MS4A6A: variants seen among roughly 807,000 people sequenced by gnomAD.
MS4A6A encodes membrane spanning 4-domains A6A, also known as membrane-spanning 4-domains subfamily A member 6A.
MS4A6A carries 19 observed loss-of-function variants against 20.6 expected under a neutral mutation model. That is an observed-to-expected ratio of 0.92 (90% CI 0.64 to 1.36). MS4A6A has a LOEUF of 1.36. MS4A6A is among the 40% of genes most tolerant of loss of function. The pLI, the probability that MS4A6A is intolerant of heterozygous loss-of-function variation, is 0.00. For synonymous variants in MS4A6A, 108 were observed against 105.0 expected (o/e 1.03, Z -0.17); for missense variants, 272 against 261.1 (o/e 1.04, Z -0.29).
In MS4A6A at chr11:60,182,978, C is replaced by T. The variant is rs1394587711; in HGVS notation, c.-15G>A. On this transcript the variant is annotated splice_region_variant and 5_prime_UTR_variant, in exon 1 of 6. Coordinates refer to ENST00000528851, the MANE Select transcript of MS4A6A (RefSeq NM_022349.4). ...AGAAAAGTCTTCCAGCATTACCTACCTGTGCCCGTTGGTTCCAGCTGAGTC... is the reference window on the plus strand; with the variant it reads ...AGAAAAGTCTTCCAGCATTACCTACTTGTGCCCGTTGGTTCCAGCTGAGTC... 2.9e-6 allele frequency: 4 copies of T among 1,375,952 alleles called. No homozygotes were observed. Among genetic ancestry groups the T allele is most frequent in the Non-Finnish European group, 3.7e-6 (4 of 1,070,196 alleles). The allele number at this position is 1,375,952 out of a possible 1,614,324, so 85.2% of individuals were successfully genotyped here. A position where few individuals can be genotyped will look rare whatever the true frequency, so the allele number is the denominator to read the frequency against.
At position 60,172,664 on chromosome 11, in the gene MS4A6A, T is replaced by G. The variant is rs1856639961; in HGVS notation, c.*337A>C. 4.3e-6 allele frequency: 5 copies of G among 1,159,110 alleles called. No homozygotes were observed. The highest frequency in any genetic ancestry group is 4.3e-6 in the Non-Finnish European group (4 of 932,472). 71.8% of individuals were successfully genotyped at this position (1,159,110 alleles called of 1,614,324 possible). On this transcript the variant is annotated 3_prime_UTR_variant, in exon 6 of 6. Coordinates refer to ENST00000528851, the MANE Select transcript of MS4A6A (RefSeq NM_022349.4). Reference sequence around the variant, plus strand: ...AGACTAGTGGTTGTGGCAGAAATTGTTTCTGCTTATAAGGGAGGCAAGCCA... The same window carrying G: ...AGACTAGTGGTTGTGGCAGAAATTGGTTCTGCTTATAAGGGAGGCAAGCCA...
chr11:60,176,961 AC>A (rs1238372801), intron 4 of MS4A6A: 2 of 152,102 alleles, frequency 1.3e-5, no homozygotes, highest in Admixed American at 1.3e-4. Context: ...TGAAAGCACT[AC>A]CCTTGTGCCA....
chr11:60,179,802 A>G (rs1248642173), intron 3 of MS4A6A, 29 bp downstream of exon 3: 1 of 1,613,862 alleles, frequency 6.2e-7, no homozygotes, highest in East Asian at 2.2e-5. Flanking sequence ...TCTTTGCCCC[A>G]TCCTGCCCTC....
At position 60,173,017 on chromosome 11, in the gene MS4A6A, A is replaced by T; in HGVS notation, c.662T>A (p.Leu221Gln). Residue 221 changes from leucine to glutamine, a missense_variant, in exon 6 of 6, where the codon CTG (leucine) becomes CAG (glutamine). Transcript: ENST00000528851. ...TAGGCAAGGTTAAGTGAAGCCGGCC[A>T]GCACACTCACCCCAGGGAAGTCAGA... ...AYSDFPGVSV[L>Q]AGFT 1 of 1,614,116 alleles carries T rather than the reference A, an allele frequency of 6.2e-7. No homozygotes were observed. The highest frequency in any genetic ancestry group is 8.5e-7 in the Non-Finnish European group (1 of 1,179,962).
intron 2 of MS4A6A, 123 bp from the exon 3 acceptor site, chr11:60,180,088 C>T (rs969548379): frequency 1.0e-6 from 1 of 955,480 alleles, no homozygotes. Flanking sequence ...GGATACAAAC[C>T]CTGTGGAAAC....
At chr11:60,176,638 A>G (rs638872) in intron 4 of MS4A6A, among the ~76,000 whole-genome samples, 145,279 of 152,226 alleles carry the variant, frequency 0.95, 69,422 homozygotes, top group Non-Finnish European at 0.98. Flanking sequence ...ACCAGTTGAT[A>G]CTCTGGGACC....
chr11:60,172,849 T>A lies in MS4A6A; in HGVS notation c.*152A>T. On this transcript the variant is annotated 3_prime_UTR_variant, in exon 6 of 6. Transcript: ENST00000528851. The stretch of plus-strand genomic sequence containing the variant: ...TCATATCCAGTGAATTTTCAGCTTA[T>A]CAGCTACTCAATTGCCATCTGCTTT... 6.9e-7 allele frequency: 1 copy of A among 1,445,580 alleles called. No individual in the cohort carries two copies. The highest frequency in any genetic ancestry group is 2.6e-5 in the Admixed American group (1 of 38,434). 89.5% of individuals were successfully genotyped at this position (1,445,580 alleles called of 1,614,324 possible). A position where few individuals can be genotyped will look rare whatever the true frequency, so the allele number is the denominator to read the frequency against.
intron 4 of MS4A6A, chr11:60,177,193 GTTAAA>G (rs1232639672): frequency 1.3e-5 from 2 of 152,170 alleles, no homozygotes; most frequent in African/African-American, 4.8e-5. Flanking sequence ...CTCAAAGAAA[GTTAAA>G]TTAAACAGCA....
rs1031781522 is a variant in MS4A6A at position 60,177,864 on chromosome 11, G to A, written c.339+396C>T. 2.8e-5 allele frequency: 6 copies of A among 213,774 alleles called. No individual in the cohort carries two copies. The Admixed American group carries it at 2.9e-4, about 10-fold the overall frequency. 13.2% of individuals were successfully genotyped at this position (213,774 alleles called of 1,614,324 possible). ...ACACTTTGACTCATTTTTTTTTCAAGGGTTGTAACACCTGGGCTTAAAGAA... is the reference window on the plus strand; with the variant it reads ...ACACTTTGACTCATTTTTTTTTCAAAGGTTGTAACACCTGGGCTTAAAGAA... On this transcript the variant is annotated intron_variant, in intron 4 of 5. Transcript: ENST00000528851.
chr11:60,180,844 C>T (rs1857099778), intron 2 of MS4A6A: 2 of 324,170 alleles, frequency 6.2e-6, no homozygotes, highest in Non-Finnish European at 1.2e-5. Context: ...ATTCACAGCT[C>T]TATTATCATT....
chr11:60,179,211 T>C (rs1342451546), intron 3 of MS4A6A, among the ~76,000 whole-genome samples: 2 of 152,072 alleles, frequency 1.3e-5, no homozygotes, highest in African/African-American at 4.8e-5. Context: ...AAAGGGAAAC[T>C]TACCTATGAG....
upstream of MS4A6A, chr11:60,183,337 A>T: frequency 1.6e-6 from 1 of 642,030 alleles, no homozygotes. Flanking sequence ...CTAATCTGTT[A>T]AATAGAGGAG....
At chr11:60,181,120 C>G (rs1313548654) in intron 2 of MS4A6A, 1 of 446,350 alleles carries the variant, frequency 2.2e-6, no homozygotes, top group Non-Finnish European at 4.5e-6. Context: ...AACAGACAAA[C>G]AAAAGGTGAA....
rs754812930 is a variant in MS4A6A at position 60,173,149 on chromosome 11, A to T, written c.550-20T>A. The stretch of plus-strand genomic sequence containing the variant: ...AGTTCCCTGAAAGTCAAGAAATAAA[A>T]GATTGATGTTGCTTAGGTCAGCTGA... On this transcript the variant is annotated intron_variant, in intron 5 of 5. Transcript: ENST00000528851. The T allele has an allele frequency of 1.9e-6, 3 of 1,609,822 alleles. No homozygotes were observed. The highest frequency in any genetic ancestry group is 2.5e-6 in the Non-Finnish European group (3 of 1,176,694).
At position 60,172,719 on chromosome 11, in the gene MS4A6A, C is replaced by A; in HGVS notation, c.*282G>T. The A allele has an allele frequency of 3.2e-6, 4 of 1,231,094 alleles. No individual in the cohort carries two copies. The highest frequency in any genetic ancestry group is 4.1e-6 in the Non-Finnish European group (4 of 971,614). The allele number at this position is 1,231,094 out of a possible 1,614,324, so 76.3% of individuals were successfully genotyped here. A position where few individuals can be genotyped will look rare whatever the true frequency, so the allele number is the denominator to read the frequency against. ...CTAGTGTCCTCAGCAAAGGCACAAACTCATAGCATAATGCCAGGCCAGTCA... is the reference window on the plus strand; with the variant it reads ...CTAGTGTCCTCAGCAAAGGCACAAAATCATAGCATAATGCCAGGCCAGTCA... On this transcript the variant is annotated 3_prime_UTR_variant, in exon 6 of 6. Transcript: ENST00000528851.
chr11:60,175,641 T>G (rs754162231), intron 4 of MS4A6A, 30 bp from the exon 5 acceptor site: 8 of 1,599,594 alleles, frequency 5.0e-6, no homozygotes, highest in Non-Finnish European at 2.6e-6. Flanking sequence ...TAAGGATCAT[T>G]GCTAATGACT....
chr11:60,179,821 C>G lies in MS4A6A; in HGVS notation c.282+10G>C. Reference sequence around the variant, plus strand: ...TGCCCCATCCTGCCCTCCTCAGAAACTCTACTCACAAAAAAGGGTCCTATG... The same window carrying G: ...TGCCCCATCCTGCCCTCCTCAGAAAGTCTACTCACAAAAAAGGGTCCTATG... On this transcript the variant is annotated intron_variant, in intron 3 of 5. Transcript: ENST00000528851. The G allele has an allele frequency of 6.2e-7, 1 of 1,614,020 alleles. No individual in the cohort carries two copies. The highest frequency in any genetic ancestry group is 8.5e-7 in the Non-Finnish European group (1 of 1,179,962).
At chr11:60,172,407 A>C (rs1590661817), downstream of MS4A6A, 23 of 1,388,912 alleles carry the variant, frequency 1.7e-5, 1 homozygote, top group East Asian at 5.9e-4. Flanking sequence ...GCAATTTATC[A>C]CCCTAGTATT....
chr11:60,175,403 G>A lies in MS4A6A; in HGVS notation c.548C>T (p.Ala183Val), dbSNP rs1856780342. The A allele has an allele frequency of 6.2e-7, 1 of 1,611,044 alleles. No individual in the cohort carries two copies. The highest frequency in any genetic ancestry group is 1.3e-5 in the African/African-American group (1 of 74,972). Residue 183 changes from alanine to valine, a missense_variant and splice_region_variant, in exon 5 of 6, where the codon GCT becomes GTT. By Grantham distance (64) the Ala-to-Val change is moderately conservative. Transcript: ENST00000528851. ...AACATCCCATCTAAAAATACTTACA[G>A]CCAGACTGGCTTTGGCTGTATAGCA... ...TDCYTAKASL[A>V]GTLSLMLICT...
Sources: gnomAD v4.1 joint callset for allele counts (sites outside exome capture counted in the v4.1 genomes callset) on GRCh38, gnomAD v4.1.1 for gene constraint, MANE v1.5 for transcripts, NCBI Gene and HGNC (gene_info 2026-07-23, HGNC 2026-07-21) for gene names.